Variants in SYT2 observed in about 807,000 individuals in gnomAD.
SYT2 encodes synaptotagmin-2.
Under a neutral mutation model 39.9 loss-of-function variants are expected in SYT2, and 15 were observed. The ratio of observed to expected loss-of-function variants is 0.38; its 90% confidence interval spans 0.25 to 0.58. The LOEUF (loss-of-function observed/expected upper bound fraction) is 0.58. SYT2 is among the 20% of genes least tolerant of loss of function. The pLI is 0.70. For synonymous variants in SYT2, 181 were observed against 204.5 expected, an observed-to-expected ratio of 0.89 and a Z score of 0.98; for missense variants, 389 against 530.3, an observed-to-expected ratio of 0.73 and a Z score of 2.62.
At chr1:202,611,607 C>T (rs1291116960) in intron 1 of SYT2, among the ~76,000 whole-genome samples, 39 of 152,296 alleles carry the variant, frequency 2.6e-4, no homozygotes, top group African/African-American at 9.1e-4. Context: ...CTGGCCTCCT[C>T]GGCCTCCCAA....
At chr1:202,696,137 A>G (rs1191379607) in intron 1 of SYT2, among the ~76,000 whole-genome samples, 2 of 152,226 alleles carry the variant, frequency 1.3e-5, no homozygotes, top group African/African-American at 4.8e-5. Flanking sequence ...GAACACAGAA[A>G]AGAGAGAAAG....
rs112537982 is a variant in SYT2, at chr1:202,652,966, C to G, written c.-17-47177G>C. On this transcript the variant is annotated intron_variant, in intron 1 of 8. Coordinates refer to ENST00000367268, the MANE Select transcript of SYT2 (RefSeq NM_177402.5). ...ATTTTCCTTCCCACCACCCACCCCC[C>G]CTTAGAGTTTGGATTTCCTCCTAAC... Among the ~76,000 whole-genome samples the G allele has an allele frequency of 6.0e-3, 914 of 151,490 alleles. 18 individuals carry two copies. The highest frequency in any genetic ancestry group is 0.021 in the African/African-American group (855 of 41,142).
intron 1 of SYT2, among the ~76,000 whole-genome samples, chr1:202,698,914 G>GT (rs1654041020): frequency 6.6e-6 from 1 of 151,810 alleles, no homozygotes; most frequent in Admixed American, 6.6e-5. Flanking sequence ...AGCACTTCAG[G>GT]TCCCCCATTT....
Position 202,624,146 on chromosome 1 carries a change from T to C in SYT2, c.-17-18357A>G, listed in dbSNP as rs112571972. Among the ~76,000 whole-genome samples, 551 of 152,012 alleles carry C rather than the reference T, an allele frequency of 3.6e-3. 3 individuals carry two copies. The highest frequency in any genetic ancestry group is 0.013 in the African/African-American group (534 of 41,442). ...TGAGTGTGGTGGTGTGTGTGTGATG[T>C]GAGTGTGCATATGTGGCGTGTGCAT... On this transcript the variant is annotated intron_variant, in intron 1 of 8. Coordinates refer to ENST00000367268, the MANE Select transcript of SYT2 (RefSeq NM_177402.5).
At chr1:202,621,402 TCCTCCCACCTCAG>T (rs1691199208) in intron 1 of SYT2, among the ~76,000 whole-genome samples, 2 of 151,984 alleles carry the variant, frequency 1.3e-5, no homozygotes, top group Non-Finnish European at 2.9e-5. Flanking sequence ...GCCCAAGCAA[TCCTCCCACCTCAG>T]CCTCCCAAGG....
chr1:202,685,711 C>T (rs1041557960), intron 1 of SYT2, among the ~76,000 whole-genome samples: 2 of 152,028 alleles, frequency 1.3e-5, no homozygotes, highest in East Asian at 1.9e-4. Context: ...CAAACTACAC[C>T]GAGTGTTTTA....
chr1:202,707,626 C>T (rs115697311), intron 1 of SYT2, among the ~76,000 whole-genome samples: 88 of 152,348 alleles, frequency 5.8e-4, no homozygotes, highest in African/African-American at 2.0e-3. Context: ...GCAAATGAAG[C>T]CCAACCTCCT....
At chr1:202,636,470 G>T in intron 1 of SYT2, 1 of 893,580 alleles carries the variant, frequency 1.1e-6, no homozygotes, top group Non-Finnish European at 1.3e-6. Context: ...AGGACATCTT[G>T]GGAGAAGTGA....
chr1:202,661,580 A>T (rs534315748), intron 1 of SYT2, among the ~76,000 whole-genome samples: 105 of 152,260 alleles, frequency 6.9e-4, no homozygotes, highest in African/African-American at 2.5e-3. Flanking sequence ...GCCTTCACAC[A>T]GCCTGGCAGG....
rs1168534277 is a variant in SYT2, at chr1:202,625,045, GTC to G, written c.-17-19258_-17-19257del. On this transcript the variant is annotated intron_variant, in intron 1 of 8. Coordinates refer to ENST00000367268, the MANE Select transcript of SYT2 (RefSeq NM_177402.5). ...AGGTTGTGTGTGTGGTGTGTGTGGT[GTC>G]TAGTAGGGTGTGTGGTGTGTAGTAG... is the stretch of plus-strand genomic sequence containing the variant. Among the ~76,000 whole-genome samples the G allele has an allele frequency of 5.3e-5, 8 of 150,402 alleles. No homozygotes were observed. The South Asian group carries it at 6.4e-4, about 12-fold the overall frequency.
chr1:202,610,989 G>C (rs563408375), intron 1 of SYT2, among the ~76,000 whole-genome samples: 10 of 152,140 alleles, frequency 6.6e-5, no homozygotes, highest in Middle Eastern at 6.8e-3. Context: ...AGTTCATATG[G>C]AACCAAAAAA....
intron 1 of SYT2, among the ~76,000 whole-genome samples, chr1:202,688,509 TG>T (rs1209260442): frequency 6.6e-6 from 1 of 152,186 alleles, no homozygotes; most frequent in African/African-American, 2.4e-5. Flanking sequence ...AGTGGAGAAA[TG>T]TGTCAAGTTG....
At chr1:202,669,371 G>T (rs1439180900) in intron 1 of SYT2, among the ~76,000 whole-genome samples, 1 of 151,316 alleles carries the variant, frequency 6.6e-6, no homozygotes, top group Non-Finnish European at 1.5e-5. Context: ...AATAATTTAG[G>T]CTGGACGCGG....
At chr1:202,640,734 CAGAGAGAGAG>C (rs56979202) in intron 1 of SYT2, among the ~76,000 whole-genome samples, 9,258 of 90,558 alleles carry the variant, frequency 0.1, 422 homozygotes, top group South Asian at 0.14. Flanking sequence ...TCCTAATGGT[CAGAGAGAGAG>C]AGAGAGAGAG....
intron 1 of SYT2, among the ~76,000 whole-genome samples, chr1:202,654,667 G>C (rs1692249589): frequency 6.6e-6 from 1 of 152,172 alleles, no homozygotes; most frequent in African/African-American, 2.4e-5. Flanking sequence ...ACACACATCA[G>C]ATCTGTGCTA....
intron 1 of SYT2, among the ~76,000 whole-genome samples, chr1:202,661,028 A>G (rs1692368120): frequency 6.6e-6 from 1 of 151,968 alleles, no homozygotes. Context: ...TTGAGCATCT[A>G]CTCCACTCCA....
chr1:202,680,382 A>C (rs1381764571), intron 1 of SYT2, among the ~76,000 whole-genome samples: 1 of 152,124 alleles, frequency 6.6e-6, no homozygotes, highest in African/African-American at 2.4e-5. Context: ...TGATGATTAA[A>C]TTTGCCACTG....
chr1:202,695,436 G>A (rs891931694), intron 1 of SYT2, among the ~76,000 whole-genome samples: 4 of 152,044 alleles, frequency 2.6e-5, no homozygotes, highest in Non-Finnish European at 5.9e-5. Context: ...AAACTCCCTG[G>A]CCTCCCTTAC....
At chr1:202,640,254 G>A (rs879324780) in intron 1 of SYT2, among the ~76,000 whole-genome samples, 21 of 45,746 alleles carry the variant, frequency 4.6e-4, no homozygotes, top group Admixed American at 2.0e-3. Flanking sequence ...ACCCCACCCC[G>A]CCCCACCCAG....
Sources: gnomAD v4.1 joint callset for allele counts (sites outside exome capture counted in the v4.1 genomes callset) on GRCh38, gnomAD v4.1.1 for gene constraint, MANE v1.5 for transcripts, NCBI Gene and HGNC (gene_info 2026-07-23, HGNC 2026-07-21) for gene names.